Variants in GATM observed in about 807,000 individuals in gnomAD.
GATM encodes the protein glycine amidinotransferase.
In GATM, 23 loss-of-function variants were observed where a neutral mutation model predicts 54.2. The observed-to-expected ratio is 0.42, with a 90% CI of 0.31 to 0.60. The LOEUF is 0.60. Ranked by LOEUF, GATM falls within the 20% of genes least tolerant of loss-of-function variation. GATM has a pLI of 0.14. For missense variants in GATM, 401 were observed against 544.9 expected (o/e 0.74, Z 2.63); for synonymous variants, 168 against 183.1 (o/e 0.92, Z 0.67).
In GATM at chr15:45,367,831, G is replaced by A. The variant is rs570745275; in HGVS notation, c.675+239C>T. ...AACAGGATTGAGGATGTAAATAAAGGGTTTAACCCAGGACCCAGAACAAGG... is the reference window on the plus strand; with the variant it reads ...AACAGGATTGAGGATGTAAATAAAGAGTTTAACCCAGGACCCAGAACAAGG... On this transcript the variant is annotated intron_variant, in intron 4 of 8. Coordinates refer to ENST00000396659, the MANE Select transcript of GATM (RefSeq NM_001482.3). Among the ~76,000 whole-genome samples, 96 of 152,160 alleles carry A rather than the reference G, an allele frequency of 6.3e-4. 1 individual carries two copies. Among genetic ancestry groups the A allele is most frequent in the Admixed American group, 3.3e-3 (51 of 15,282 alleles).
intron 1 of GATM, chr15:45,377,596 C>G (rs146847708): frequency 2.9e-5 from 8 of 274,744 alleles, no homozygotes; most frequent in South Asian, 2.9e-4. Context: ...CCTCAACCCC[C>G]CAAATCTCTA....
At chr15:45,364,926 TA>T (rs1889425588) in intron 6 of GATM, 66 bp from the exon 7 acceptor site, 1 of 1,251,968 alleles carries the variant, frequency 8.0e-7, no homozygotes, top group Non-Finnish European at 1.2e-6. Flanking sequence ...TATTAGTCTC[TA>T]ATAGCCCTTA....
intron 3 of GATM, among the ~76,000 whole-genome samples, chr15:45,385,539 T>C (rs1169734197): frequency 6.6e-6 from 1 of 152,222 alleles, no homozygotes; most frequent in Non-Finnish European, 1.5e-5. Flanking sequence ...AAGATGAACA[T>C]GCACCACTAA....
At chr15:45,369,895 A>C (rs1889511257) in intron 2 of GATM, among the ~76,000 whole-genome samples, 1 of 152,206 alleles carries the variant, frequency 6.6e-6, no homozygotes, top group African/African-American at 2.4e-5. Context: ...AAAATGAAAC[A>C]AGAGAACACA....
intron 3 of GATM, among the ~76,000 whole-genome samples, chr15:45,388,790 G>A (rs957156947): frequency 1.3e-5 from 2 of 152,142 alleles, no homozygotes; most frequent in African/African-American, 4.8e-5. Context: ...GCTTAAGGTA[G>A]TGTCTGCCGG....
Position 45,378,442 on chromosome 15 carries a change from C to A in GATM, c.12G>T (p.Val4=). Residue 4 remains valine (V), a synonymous_variant, in exon 1 of 9, where the codon GTG becomes GTT. Coordinates refer to ENST00000396659, the MANE Select transcript of GATM (RefSeq NM_001482.3). ...CGCGGCTCCCGCCGCGCAGACACCG[C>A]ACCCGCAGCATCGCCCTGGCCCGGC... The part of the protein sequence containing the change: MLR[V]RCLRGGSRGA... 6.7e-7 allele frequency: 1 copy of A among 1,496,358 alleles called. No individual in the cohort carries two copies. Among genetic ancestry groups the A allele is most frequent in the Non-Finnish European group, 8.9e-7 (1 of 1,129,806 alleles). 92.7% of individuals were successfully genotyped at this position (1,496,358 alleles called of 1,614,324 possible).
intron 2 of GATM, among the ~76,000 whole-genome samples, chr15:45,399,076 C>T (rs942979870): frequency 6.6e-6 from 1 of 151,984 alleles, no homozygotes; most frequent in African/African-American, 2.4e-5. Flanking sequence ...TCACATGTAC[C>T]TTTTCGGGAA....
In GATM at chr15:45,362,050, C is replaced by T; in HGVS notation, c.*59G>A. Reference sequence around the variant, plus strand: ...GCACTTTTTAAAGCAGGAGAATGAACCTTGCCCCTAAGCTTCTTAGGTGTA... The same window carrying T: ...GCACTTTTTAAAGCAGGAGAATGAATCTTGCCCCTAAGCTTCTTAGGTGTA... On this transcript the variant is annotated 3_prime_UTR_variant, in exon 9 of 9. Coordinates refer to ENST00000396659, the MANE Select transcript of GATM (RefSeq NM_001482.3). 1.0e-6 allele frequency: 1 copy of T among 990,430 alleles called. No homozygotes were observed. The allele number at this position is 990,430 out of a possible 1,614,324, so 61.4% of individuals were successfully genotyped here.
upstream of GATM, among the ~76,000 whole-genome samples, chr15:45,381,841 T>C (rs1889744487): frequency 1.3e-5 from 2 of 152,178 alleles, no homozygotes; most frequent in African/African-American, 4.8e-5. Context: ...GGAATGTAAA[T>C]AAAGCTGCAA....
chr15:45,377,097 C>T (rs888282413), intron 1 of GATM: 6 of 492,032 alleles, frequency 1.2e-5, no homozygotes, highest in Non-Finnish European at 2.3e-5. Context: ...CATACACCCC[C>T]ATCTTTATCT....
intron 7 of GATM, chr15:45,364,245 T>C (rs1355451836): frequency 1.9e-6 from 1 of 528,492 alleles, no homozygotes; most frequent in Admixed American, 3.1e-5. Context: ...ATATCTTGGC[T>C]GGGCATGGTA....
intron 3 of GATM, among the ~76,000 whole-genome samples, chr15:45,395,814 C>T (rs967324451): frequency 1.8e-4 from 27 of 152,066 alleles, no homozygotes; most frequent in African/African-American, 6.3e-4. Flanking sequence ...GATGTCATTC[C>T]CTCCCATTTA....
chr15:45,398,824 C>T (rs1196087354), intron 2 of GATM, among the ~76,000 whole-genome samples: 2 of 152,102 alleles, frequency 1.3e-5, no homozygotes, highest in African/African-American at 4.8e-5. Context: ...CTACAGATGA[C>T]TCATGCTACT....
chr15:45,363,991 T>C lies in GATM; in HGVS notation c.1068A>G (p.Lys356=). The change falls in exon 8 of 9, where the codon AAA becomes AAG. Residue 356 remains lysine, a synonymous_variant. Coordinates refer to ENST00000396659, the MANE Select transcript of GATM (RefSeq NM_001482.3). ...GCATTAAGACATTCATGGAAAGCCA[T>C]TTGGATGACATCCAGAGTGGATGAT... ...PDDHPLWMSS[K]WLSMNVLMLD... The C allele has an allele frequency of 6.2e-7, 1 of 1,611,288 alleles. No individual in the cohort carries two copies. Among genetic ancestry groups the C allele is most frequent in the Non-Finnish European group, 8.5e-7 (1 of 1,177,798 alleles).
intron 3 of GATM, chr15:45,396,048 C>T (rs1889925061): frequency 6.6e-6 from 1 of 152,190 alleles, no homozygotes; most frequent in South Asian, 2.1e-4. Flanking sequence ...AAGGATACCA[C>T]AACTAAAACA....
rs1187969692 is a variant in GATM, at chr15:45,369,225, C to T, written c.484+101G>A. 4.3e-5 allele frequency: 40 copies of T among 940,728 alleles called. 1 individual carries two copies. In the South Asian group the frequency reaches 4.8e-4, roughly 11 times the overall value. The allele number at this position is 940,728 out of a possible 1,614,324, so 58.3% of individuals were successfully genotyped here. A position where few individuals can be genotyped will look rare whatever the true frequency, so the allele number is the denominator to read the frequency against. ...TTAAAGTTTTCAAGAACTAGCAAAG[C>T]AAAGGACTCTCCAAGAAATTTTTTG... On this transcript the variant is annotated intron_variant, in intron 3 of 8. Coordinates refer to ENST00000396659, the MANE Select transcript of GATM (RefSeq NM_001482.3).
At chr15:45,393,367 A>G in intron 3 of GATM, among the ~76,000 whole-genome samples, 1 of 152,066 alleles carries the variant, frequency 6.6e-6, no homozygotes, top group East Asian at 1.9e-4. Flanking sequence ...AGCTGTGTGA[A>G]CTTGGGAAAG....
Position 45,368,849 on chromosome 15 carries a change from T to G in GATM, c.484+477A>C, listed in dbSNP as rs898823727. ...CTTGAACCACCAAGCTTTCACCATT[T>G]GTAAGCTCCTTTCTTGCTATACAGA... On this transcript the variant is annotated intron_variant, in intron 3 of 8. Coordinates refer to ENST00000396659, the MANE Select transcript of GATM (RefSeq NM_001482.3). The surrounding 1 kb of genome is among the most constrained non-coding windows in gnomAD (Gnocchi z 5.1). Among the ~76,000 whole-genome samples, 6 of 152,076 alleles carry G rather than the reference T, an allele frequency of 3.9e-5. No homozygotes were observed. Among genetic ancestry groups the G allele is most frequent in the Non-Finnish European group, 7.4e-5 (5 of 68,014 alleles).
chr15:45,364,889 C>T (rs765404535), intron 6 of GATM, 29 bp from the exon 7 acceptor site: 24 of 1,587,030 alleles, frequency 1.5e-5, no homozygotes, highest in East Asian at 4.5e-5. Flanking sequence ...CCCCCAAAAC[C>T]GTTAAATCTA....
Sources: gnomAD v4.1 joint callset for allele counts (sites outside exome capture counted in the v4.1 genomes callset) on GRCh38, gnomAD v4.1.1 for gene constraint, Gnocchi (gnomAD v3.1) non-coding constraint, MANE v1.5 for transcripts, NCBI Gene and HGNC (gene_info 2026-07-23, HGNC 2026-07-21) for gene names.